Variants in QTMAN observed in about 807,000 individuals in gnomAD.
QTMAN encodes tRNA-queuosine alpha-mannosyltransferase.
chr2:144,307,914 A>G, the QTMAN span, among the ~76,000 whole-genome samples: 8 of 152,152 alleles, frequency 5.3e-5, no homozygotes, highest in Non-Finnish European at 1.2e-4. Context: ...CAACCAATCC[A>G]CTGAATTCAC....
At chr2:144,075,408 A>G in the QTMAN span, among the ~76,000 whole-genome samples, 1 of 152,188 alleles carries the variant, frequency 6.6e-6, no homozygotes, top group African/African-American at 2.4e-5. Context: ...ACCCAAATTT[A>G]ATGTTTAATT....
chr2:144,320,902 C>A, the QTMAN span, among the ~76,000 whole-genome samples: 3 of 152,320 alleles, frequency 2.0e-5, no homozygotes, highest in South Asian at 6.2e-4. Context: ...AAGTTCATCA[C>A]TTTCATTTTA....
chr2:144,187,400 G>A, the QTMAN span, among the ~76,000 whole-genome samples: 1 of 152,108 alleles, frequency 6.6e-6, no homozygotes, highest in Non-Finnish European at 1.5e-5. Flanking sequence ...AACTAATCCA[G>A]TCTTGCGAGA....
the QTMAN span, among the ~76,000 whole-genome samples, chr2:144,021,106 T>G: frequency 6.6e-6 from 1 of 151,380 alleles, no homozygotes; most frequent in Admixed American, 6.6e-5. Context: ...AGAAATTTAT[T>G]TGTACTGATG....
At chr2:144,217,924 G>A in the QTMAN span, among the ~76,000 whole-genome samples, 4 of 152,162 alleles carry the variant, frequency 2.6e-5, no homozygotes, top group Non-Finnish European at 4.4e-5. Context: ...CTTATCACAC[G>A]TAGGATATAT....
chr2:144,219,946 T>G, the QTMAN span, among the ~76,000 whole-genome samples: 1 of 152,234 alleles, frequency 6.6e-6, no homozygotes, highest in Non-Finnish European at 1.5e-5. Flanking sequence ...AAAGTACATT[T>G]TCTTCTATTT....
chr2:144,107,318 G>A, the QTMAN span, among the ~76,000 whole-genome samples: 1 of 152,156 alleles, frequency 6.6e-6, no homozygotes, highest in Non-Finnish European at 1.5e-5. Context: ...GAATGCAGGA[G>A]ATGGTTTTTT....
At chr2:143,990,667 G>A in the QTMAN span, among the ~76,000 whole-genome samples, 4 of 152,268 alleles carry the variant, frequency 2.6e-5, no homozygotes, top group Non-Finnish European at 1.5e-5. Context: ...CCCCTCAGGA[G>A]AAATCCAGAT....
At chr2:144,058,656 A>G in the QTMAN span, among the ~76,000 whole-genome samples, 1 of 152,056 alleles carries the variant, frequency 6.6e-6, no homozygotes, top group Non-Finnish European at 1.5e-5. Flanking sequence ...TTCTAGAGAC[A>G]TGTATTAAAC....
chr2:143,988,295 T>A, the QTMAN span, among the ~76,000 whole-genome samples: 8 of 152,184 alleles, frequency 5.3e-5, no homozygotes, highest in Non-Finnish European at 1.0e-4. Flanking sequence ...CTGGCATGAA[T>A]CATGCAACCT....
chr2:144,314,548 T>C, the QTMAN span, among the ~76,000 whole-genome samples: 3 of 151,904 alleles, frequency 2.0e-5, no homozygotes, highest in Non-Finnish European at 4.4e-5. Flanking sequence ...CCGTCTCTAC[T>C]AAAAAATACA....
the QTMAN span, among the ~76,000 whole-genome samples, chr2:144,287,360 G>A: frequency 5.3e-5 from 8 of 151,778 alleles, no homozygotes; most frequent in East Asian, 3.9e-4. Context: ...GCGTGAACCC[G>A]GGAGGCAGAG....
chr2:144,067,141 T>C, the QTMAN span, among the ~76,000 whole-genome samples: 1 of 152,216 alleles, frequency 6.6e-6, no homozygotes, highest in Non-Finnish European at 1.5e-5. Flanking sequence ...TTAATCTCCA[T>C]TTAACAGATG....
chr2:144,254,344 T>A, the QTMAN span, among the ~76,000 whole-genome samples: 1 of 152,028 alleles, frequency 6.6e-6, no homozygotes, highest in Non-Finnish European at 1.5e-5. Flanking sequence ...ATCGTTTGAA[T>A]CCAGGAGGCA....
chr2:144,276,749 T>C, the QTMAN span, among the ~76,000 whole-genome samples: 2 of 152,198 alleles, frequency 1.3e-5, no homozygotes, highest in East Asian at 1.9e-4. Flanking sequence ...GGTTAAGTGG[T>C]AGGGATTAAC....
the QTMAN span, among the ~76,000 whole-genome samples, chr2:144,064,518 C>T: frequency 6.6e-6 from 1 of 152,162 alleles, no homozygotes; most frequent in Non-Finnish European, 1.5e-5. Context: ...CCTGCCGTTT[C>T]TCTTCTCTTC....
the QTMAN span, among the ~76,000 whole-genome samples, chr2:144,056,375 G>T: frequency 6.6e-6 from 1 of 152,210 alleles, no homozygotes; most frequent in Non-Finnish European, 1.5e-5. Flanking sequence ...GCACCCTGAA[G>T]GTTGAAGTTT....
chr2:144,084,725 T>C, the QTMAN span, among the ~76,000 whole-genome samples: 1 of 151,596 alleles, frequency 6.6e-6, no homozygotes, highest in East Asian at 1.9e-4. Context: ...TTTGAAGCAT[T>C]AAACAAGAAA....
chr2:144,025,594 G>A, the QTMAN span, among the ~76,000 whole-genome samples: 1 of 152,178 alleles, frequency 6.6e-6, no homozygotes, highest in Admixed American at 6.5e-5. Context: ...GTACATGCAA[G>A]TAGGGTATGA....
Sources: allele counts gnomAD v4.1 joint callset (sites outside exome capture counted in the v4.1 genomes callset), GRCh38; gene constraint gnomAD v4.1.1; transcripts MANE v1.5; gene names NCBI Gene and HGNC (gene_info 2026-07-23, HGNC 2026-07-21).